The following MANBA variants were observed in gnomAD, a reference collection of about 807,000 sequenced individuals.
The protein encoded by MANBA is mannosidase beta.
Under a neutral mutation model 111.1 loss-of-function variants are expected in MANBA, and 83 were observed. The observed-to-expected ratio is 0.75, with a 90% CI of 0.63 to 0.90. The LOEUF is 0.90. Ranked by LOEUF, MANBA falls within the 40% of genes least tolerant of loss-of-function variation. The probability of loss-of-function intolerance (pLI) is 0.00; values close to 1 mark genes in which losing one functional copy is unlikely to be tolerated. For missense variants in MANBA, 1,036 were observed against 1,069.0 expected, an observed-to-expected ratio of 0.97 and a Z score of 0.43; for synonymous variants, 370 against 378.7, an observed-to-expected ratio of 0.98 and a Z score of 0.27.
intron 1 of MANBA, among the ~76,000 whole-genome samples, chr4:102,740,626 C>T (rs1197344276): frequency 1.3e-5 from 2 of 151,848 alleles, no homozygotes; most frequent in African/African-American, 4.8e-5. Context: ...GAATAGAGAG[C>T]CCAGAAATAA....
chr4:102,748,056 G>T (rs1723650118), intron 1 of MANBA, among the ~76,000 whole-genome samples: 1 of 152,224 alleles, frequency 6.6e-6, no homozygotes. Flanking sequence ...GTGAGGCTGG[G>T]CAGCTACATG....
At chr4:102,742,077 T>C (rs1259280488) in intron 1 of MANBA, among the ~76,000 whole-genome samples, 1 of 152,210 alleles carries the variant, frequency 6.6e-6, no homozygotes. Context: ...ATACTCTTCC[T>C]TATCTCCATT....
intron 4 of MANBA, among the ~76,000 whole-genome samples, chr4:102,717,688 C>T (rs1003184156): frequency 1.3e-5 from 2 of 152,106 alleles, no homozygotes; most frequent in African/African-American, 4.8e-5. Flanking sequence ...GTCACTGTGC[C>T]GGCCCAGAAG....
chr4:102,726,602 G>T lies in MANBA; in HGVS notation c.259C>A (p.Pro87Thr). ...AAACATACATACCTAATTTCAAAGG[G>T]GATTTTAAATTCTTTGCTATAGGTC... ...NWTYSKEFKI[P>T]FEISKWQKVN... Residue 87 changes from proline (P) to threonine (T), a missense_variant, in exon 2 of 17, where the codon CCC (proline) becomes ACC (threonine). Transcript: ENST00000647097. 6.6e-7 allele frequency: 1 copy of T among 1,519,720 alleles called. No homozygotes were observed. Among genetic ancestry groups the T allele is most frequent in the South Asian group, 1.1e-5 (1 of 87,946 alleles). The allele number at this position is 1,519,720 out of a possible 1,614,324, so 94.1% of individuals were successfully genotyped here.
intron 1 of MANBA, chr4:102,728,022 T>C (rs1722876544): frequency 5.6e-5 from 26 of 465,728 alleles, no homozygotes; most frequent in Middle Eastern, 8.0e-4. Context: ...TCTTTCAATC[T>C]GTTTCTGACC....
chr4:102,709,961 T>A (rs902115111), intron 5 of MANBA, among the ~76,000 whole-genome samples: 2 of 152,090 alleles, frequency 1.3e-5, no homozygotes, highest in Admixed American at 6.6e-5. Flanking sequence ...AAATTCAATA[T>A]CCCTTCATGA....
intron 12 of MANBA, among the ~76,000 whole-genome samples, chr4:102,656,213 C>G (rs1412113090): frequency 6.6e-6 from 1 of 152,030 alleles, no homozygotes; most frequent in Non-Finnish European, 1.5e-5. Flanking sequence ...GTGACCACTC[C>G]ACTGCACACC....
In MANBA at chr4:102,697,580, T is replaced by A. The variant is rs1458453991; in HGVS notation, c.674-6809A>T. On this transcript the variant is annotated intron_variant, in intron 5 of 16. Coordinates refer to ENST00000647097, the MANE Select transcript of MANBA (RefSeq NM_005908.4). ...TGTCCATGTGTTCTCATTGTTCAATTCCCACCTATGAGTGAGAATATGCGG... is the reference window on the plus strand; with the variant it reads ...TGTCCATGTGTTCTCATTGTTCAATACCCACCTATGAGTGAGAATATGCGG... Among the ~76,000 whole-genome samples, 3 of 144,634 alleles carry A rather than the reference T, an allele frequency of 2.1e-5. No homozygotes were observed. The South Asian group carries it at 6.6e-4, about 32-fold the overall frequency. The allele number at this position is 144,634 out of a possible 152,430, so 94.9% of individuals were successfully genotyped here. A position where few individuals can be genotyped will look rare whatever the true frequency, so the allele number is the denominator to read the frequency against.
At chr4:102,663,541 C>G (rs904402230) in intron 11 of MANBA, among the ~76,000 whole-genome samples, 1 of 152,132 alleles carries the variant, frequency 6.6e-6, no homozygotes, top group African/African-American at 2.4e-5. Flanking sequence ...CTTCATGACA[C>G]ATGTCTTAGT....
At chr4:102,664,428 A>G (rs1192931556) in intron 11 of MANBA, among the ~76,000 whole-genome samples, 2 of 150,756 alleles carry the variant, frequency 1.3e-5, no homozygotes, top group African/African-American at 4.9e-5. Context: ...GGCTCACTGC[A>G]AGCTCTACCT....
rs1388340374 is a variant in MANBA, at chr4:102,701,582, T to C, written c.674-10811A>G. On this transcript the variant is annotated intron_variant, in intron 5 of 16. Coordinates refer to ENST00000647097, the MANE Select transcript of MANBA (RefSeq NM_005908.4). ...GGTGACAAAATCTCTCAGCATTTGC[T>C]TGTCTGTAAAGGATTTTATTTCTCC... 2.0e-5 allele frequency among the ~76,000 whole-genome samples: 3 copies of C among 151,328 alleles called. No homozygotes were observed. The South Asian group carries it at 6.3e-4, about 32-fold the overall frequency.
intron 3 of MANBA, among the ~76,000 whole-genome samples, 195 bp from the exon 4 acceptor site, chr4:102,723,236 G>A (rs1370894256): frequency 6.6e-6 from 1 of 152,176 alleles, no homozygotes; most frequent in East Asian, 1.9e-4. Flanking sequence ...TTAAAACTAA[G>A]CATATTTTCC....
chr4:102,722,706 T>C (rs1722632400), intron 4 of MANBA, 165 bp downstream of exon 4: 1 of 704,280 alleles, frequency 1.4e-6, no homozygotes, highest in Non-Finnish European at 2.5e-6. Flanking sequence ...CCACAATATT[T>C]CAAATAATCT....
chr4:102,747,045 G>A (rs1723613601), intron 1 of MANBA, among the ~76,000 whole-genome samples: 1 of 151,144 alleles, frequency 6.6e-6, no homozygotes, highest in Admixed American at 6.6e-5. Flanking sequence ...GCCAACTCCA[G>A]AAACCCCAAA....
Position 102,634,820 on chromosome 4 carries a change from C to T in MANBA, c.2383G>A (p.Glu795Lys). 6.2e-7 allele frequency: 1 copy of T among 1,614,138 alleles called. No individual in the cohort carries two copies. Among genetic ancestry groups the T allele is most frequent in the Non-Finnish European group, 8.5e-7 (1 of 1,180,040 alleles). ...TNYHFLSSPKEAVGLCKAQIT... is the reference protein window; with the variant it reads ...TNYHFLSSPKKAVGLCKAQIT... Reference sequence around the variant, plus strand: ...TGCGCCTTGCAGAGCCCCACGGCCTCCTTCGGTGAGGACAAGAAGTGGTAG... The same window carrying T: ...TGCGCCTTGCAGAGCCCCACGGCCTTCTTCGGTGAGGACAAGAAGTGGTAG... Residue 795 changes from glutamate (E) to lysine (K), a missense_variant, in exon 16 of 17, where the codon GAG becomes AAG. Physicochemically the swap from Glu to Lys is moderately conservative, Grantham distance 56 (BLOSUM62 1). Transcript: ENST00000647097.
rs1339004738 is a variant in MANBA, at chr4:102,664,697, C to T, written c.1473G>A (p.Glu491=). The T allele has an allele frequency of 6.2e-7, 1 of 1,612,554 alleles. No individual in the cohort carries two copies. The highest frequency in any genetic ancestry group is 8.5e-7 in the Non-Finnish European group (1 of 1,178,614). Residue 491 remains glutamate, a synonymous_variant, in exon 11 of 17, where the codon GAG becomes GAA. Transcript: ENST00000647097. ...YVTLYVKNIR[E]LVLAGDKSRP... ...AATCATTACTTACTGCCAGTACGAGCTCTCTGATGTTTTTCACATAGAGTG... is the reference window on the plus strand; with the variant it reads ...AATCATTACTTACTGCCAGTACGAGTTCTCTGATGTTTTTCACATAGAGTG...
intron 1 of MANBA, among the ~76,000 whole-genome samples, chr4:102,759,460 A>C (rs751476305): frequency 6.6e-6 from 1 of 152,180 alleles, no homozygotes; most frequent in Non-Finnish European, 1.5e-5. Flanking sequence ...TAGTTTGTCA[A>C]CTTAAAATAA....
Position 102,685,844 on chromosome 4 carries a change from C to T in MANBA, c.960+3730G>A, listed in dbSNP as rs1396040966. ...TGACAAAAAAGATCACTGCACTGCA[C>T]CCAGTTCGTACATAGTCTCTTCCAC... On this transcript the variant is annotated intron_variant, in intron 7 of 16. Coordinates refer to ENST00000647097, the MANE Select transcript of MANBA (RefSeq NM_005908.4). 2.6e-5 allele frequency among the ~76,000 whole-genome samples: 4 copies of T among 152,136 alleles called. No individual in the cohort carries two copies. The South Asian group carries it at 8.3e-4, about 32-fold the overall frequency.
At chr4:102,649,976 G>A (rs577587004) in intron 13 of MANBA, among the ~76,000 whole-genome samples, 1 of 152,204 alleles carries the variant, frequency 6.6e-6, no homozygotes, top group African/African-American at 2.4e-5. Context: ...CAAACTCCTA[G>A]GCTCAATCAA....
Sources: allele counts gnomAD v4.1 joint callset (sites outside exome capture counted in the v4.1 genomes callset), GRCh38; gene constraint gnomAD v4.1.1; transcripts MANE v1.5; gene names NCBI Gene and HGNC (gene_info 2026-07-23, HGNC 2026-07-21).